P2RX4: variants seen among roughly 807,000 people sequenced by gnomAD.
The protein encoded by P2RX4 is purinergic receptor P2X 4, also known as P2X purinoceptor 4.
P2RX4 carries 37 observed loss-of-function variants against 48.0 expected under a neutral mutation model. The observed-to-expected ratio is 0.77, with a 90% CI of 0.59 to 1.01. The LOEUF (loss-of-function observed/expected upper bound fraction) is 1.01, where lower values mean the gene tolerates loss of function less well. Among genes scored for constraint, P2RX4 ranks in the 50% least tolerant of loss-of-function variants. The pLI is 0.00. For missense variants in P2RX4, 501 were observed against 521.4 expected, an observed-to-expected ratio of 0.96 and a Z score of 0.38; for synonymous variants, 200 against 199.7, an observed-to-expected ratio of 1.00 and a Z score of -0.01.
chr12:121,224,146 C>T (rs780875255), intron 5 of P2RX4, among the ~76,000 whole-genome samples: 7 of 152,068 alleles, frequency 4.6e-5, no homozygotes, highest in Non-Finnish European at 4.4e-5. Flanking sequence ...GGTCACATGC[C>T]CACCTCTGCA....
chr12:121,222,301 G>A (rs537951104), intron 4 of P2RX4, 135 bp downstream of exon 4: 4 of 679,194 alleles, frequency 5.9e-6, no homozygotes, highest in Non-Finnish European at 1.0e-5. Context: ...TGGGGTCCTG[G>A]AGCCCCTCTA....
rs879483857 is a variant in P2RX4, at chr12:121,221,968, A to G, written c.338A>G (p.Gln113Arg). The change falls in exon 3 of 12, where the codon CAG (glutamine) becomes CGG (arginine). Residue 113 changes from glutamine (Q) to arginine (R), a missense_variant. Physicochemically the swap from Gln to Arg is conservative, Grantham distance 43. Around this residue, in one of 3 missense-constraint regions of P2RX4, gnomAD observed 295 missense variants for 275.3 expected, o/e 1.07. Transcript: ENST00000337233. ...TNVILTMNQT[Q>R]GLCPEIPDAT... ...GTGATCCTCACCATGAACCAGACAC[A>G]GGGCCTGTGCCCCGAGGTAGGAGGC... 16 of 1,614,184 alleles carry G rather than the reference A, an allele frequency of 9.9e-6. No homozygotes were observed. Among genetic ancestry groups the G allele is most frequent in the Non-Finnish European group, 1.4e-5 (16 of 1,180,014 alleles).
rs549795386 is a variant in P2RX4, at chr12:121,229,431, G to A, written c.884+332G>A. Reference sequence around the variant, plus strand: ...ACCTCCATTCACTGCCTCAAGGAGCGGATGATCTTGTGATCCTCCAGTCCA... The same window carrying A: ...ACCTCCATTCACTGCCTCAAGGAGCAGATGATCTTGTGATCCTCCAGTCCA... On this transcript the variant is annotated intron_variant, in intron 8 of 11. Coordinates refer to ENST00000337233, the MANE Select transcript of P2RX4 (RefSeq NM_002560.3). This position sits in a 1 kb window ranked among gnomAD's most constrained non-coding sequence, Gnocchi z 4.6. 1.4e-4 allele frequency among the ~76,000 whole-genome samples: 22 copies of A among 152,302 alleles called. No homozygotes were observed. The highest frequency in any genetic ancestry group is 4.1e-4 in the African/African-American group (17 of 41,572).
intron 2 of P2RX4, 80 bp from the exon 3 acceptor site, chr12:121,221,833 C>T (rs1886630034): frequency 8.4e-7 from 1 of 1,187,298 alleles, no homozygotes; most frequent in East Asian, 2.3e-5. Context: ...TTGAGTTGTC[C>T]TCTTCAGTCA....
Position 121,233,791 on chromosome 12 carries a change from G to A in P2RX4, c.*242G>A. The A allele has an allele frequency of 3.3e-6, 3 of 896,240 alleles. No individual in the cohort carries two copies. The highest frequency in any genetic ancestry group is 2.8e-5 in the East Asian group (1 of 35,664). The allele number at this position is 896,240 out of a possible 1,614,324, so 55.5% of individuals were successfully genotyped here. A position where few individuals can be genotyped will look rare whatever the true frequency, so the allele number is the denominator to read the frequency against. On this transcript the variant is annotated 3_prime_UTR_variant, in exon 12 of 12. Transcript: ENST00000337233. ...CAACTCTGCTTTTCCCGCAACCTGG[G>A]GTTGTCGGGGGAGCGCTGGCCCGAC... is the stretch of plus-strand genomic sequence containing the variant.
At chr12:121,233,205 C>A in intron 11 of P2RX4, 113 bp downstream of exon 11, 1 of 752,944 alleles carries the variant, frequency 1.3e-6, no homozygotes, top group Non-Finnish European at 2.2e-6. Flanking sequence ...ACCAGTGTGG[C>A]GTGGTGTCCC....
chr12:121,233,579 C>A lies in P2RX4; in HGVS notation c.*30C>A. 6.2e-7 allele frequency: 1 copy of A among 1,604,290 alleles called. No individual in the cohort carries two copies. The highest frequency in any genetic ancestry group is 8.5e-7 in the Non-Finnish European group (1 of 1,174,880). On this transcript the variant is annotated 3_prime_UTR_variant, in exon 12 of 12. Coordinates refer to ENST00000337233, the MANE Select transcript of P2RX4 (RefSeq NM_002560.3). ...TACCCCACACCTGGGCTCTCCACAGCCCCATCAAAGAACAGAGAGGAGGAG... is the reference window on the plus strand; with the variant it reads ...TACCCCACACCTGGGCTCTCCACAGACCCATCAAAGAACAGAGAGGAGGAG...
chr12:121,230,970 T>TTATA (rs56678017), intron 8 of P2RX4, among the ~76,000 whole-genome samples: 22,673 of 70,782 alleles, frequency 0.32, 2,371 homozygotes, highest in Non-Finnish European at 0.4. Context: ...TATATAGCCA[T>TTATA]TATATATATA....
rs779436847 is a variant in P2RX4 at position 121,223,167 on chromosome 12, G to C, written c.524+124G>C. 3.9e-4 allele frequency: 255 copies of C among 660,610 alleles called. 2 individuals carry two copies. The highest frequency in any genetic ancestry group is 6.8e-4 in the South Asian group (40 of 58,406). 40.9% of individuals were successfully genotyped at this position (660,610 alleles called of 1,614,324 possible). On this transcript the variant is annotated intron_variant, in intron 5 of 11. Transcript: ENST00000337233. The stretch of plus-strand genomic sequence containing the variant: ...TGGCTCACCACAACCTCCACCTCCC[G>C]TGTTCAAGTGATTTTCTGTGCCTCA...
chr12:121,212,817 TATA>T lies in P2RX4; in HGVS notation c.134+2520_134+2522del, dbSNP rs1377576192. On this transcript the variant is annotated intron_variant, in intron 1 of 11. Coordinates refer to ENST00000337233, the MANE Select transcript of P2RX4 (RefSeq NM_002560.3). ...ATATATATATATATATATATATATA[TATA>T]TATATTTTTTTTTTTTTTTTGGAGA... The T allele has an allele frequency of 3.9e-3, 164 of 42,222 alleles. 2 individuals carry two copies. Among genetic ancestry groups the T allele is most frequent in the African/African-American group, 6.0e-3 (64 of 10,738 alleles). 2.6% of individuals were successfully genotyped at this position (42,222 alleles called of 1,614,324 possible).
chr12:121,232,946 G>T lies in P2RX4; in HGVS notation c.1045-51G>T. On this transcript the variant is annotated intron_variant, in intron 10 of 11. Coordinates refer to ENST00000337233, the MANE Select transcript of P2RX4 (RefSeq NM_002560.3). The surrounding 1 kb of genome is among the most constrained non-coding windows in gnomAD (Gnocchi z 4.3). ...AAGGGGCACGCAAAGAATAAGATGG[G>T]TTGATGGGTTGCAAGCATCCTGGCT... The T allele has an allele frequency of 7.9e-7, 1 of 1,266,448 alleles. No individual in the cohort carries two copies. 78.5% of individuals were successfully genotyped at this position (1,266,448 alleles called of 1,614,324 possible).
rs556240792 is a variant in P2RX4 at position 121,223,148 on chromosome 12, A to T, written c.524+105A>T. ...GAGTGCAGTGGTGCGATCTTGGCTC[A>T]CCACAACCTCCACCTCCCGTGTTCA... On this transcript the variant is annotated intron_variant, in intron 5 of 11. Transcript: ENST00000337233. The T allele has an allele frequency of 5.5e-6, 4 of 722,660 alleles. No individual in the cohort carries two copies. The South Asian group carries it at 6.3e-5, about 11-fold the overall frequency. The allele number at this position is 722,660 out of a possible 1,614,324, so 44.8% of individuals were successfully genotyped here.
intron 5 of P2RX4, among the ~76,000 whole-genome samples, chr12:121,223,611 A>G (rs1002627381): frequency 1.3e-5 from 2 of 152,206 alleles, no homozygotes; most frequent in Admixed American, 6.5e-5. Context: ...ACTTCCTTGT[A>G]TGTTAGGACT....
rs530643787 is a variant in P2RX4 at position 121,231,122 on chromosome 12, G to C, written c.885-1292G>C. Reference sequence around the variant, plus strand: ...CCTGCCTCAGCCGCCTGAGTAGCTGGGATTACAGGCGCCCGCCACCACACC... The same window carrying C: ...CCTGCCTCAGCCGCCTGAGTAGCTGCGATTACAGGCGCCCGCCACCACACC... On this transcript the variant is annotated intron_variant, in intron 8 of 11. Coordinates refer to ENST00000337233, the MANE Select transcript of P2RX4 (RefSeq NM_002560.3). 9.3e-3 allele frequency among the ~76,000 whole-genome samples: 1,416 copies of C among 151,738 alleles called. 14 individuals are homozygous for C. The highest frequency in any genetic ancestry group is 0.012 in the Non-Finnish European group (809 of 67,926).
chr12:121,233,385 C>A, intron 11 of P2RX4, 138 bp from the exon 12 acceptor site: 1 of 852,812 alleles, frequency 1.2e-6, no homozygotes, highest in East Asian at 2.6e-5. Flanking sequence ...GTGCACCTTG[C>A]GGAACAGGAA....
rs763956158 is a variant in P2RX4 at position 121,233,084 on chromosome 12, T to C, written c.1132T>C (p.Tyr378His). Residue 378 changes from tyrosine (Y) to histidine (H), a missense_variant, in exon 11 of 12, where the codon TAC (tyrosine) becomes CAC (histidine). Tyr to His is a moderately conservative substitution (Grantham distance 83). This residue lies in a region of P2RX4 where 197 missense variants were observed against 219.5 expected (regional missense o/e 0.90). Coordinates refer to ENST00000337233, the MANE Select transcript of P2RX4 (RefSeq NM_002560.3). ...GAAGAAATATAAATATGTGGAAGAT[T>C]ACGAGCAGGTAGGCCCCTCCTGGCC... The part of the protein sequence containing the change: ...REKKYKYVED[Y>H]EQGLASELDQ 3 of 1,608,800 alleles carry C rather than the reference T, an allele frequency of 1.9e-6. No individual in the cohort carries two copies. In the South Asian group the frequency reaches 3.3e-5, roughly 18 times the overall value.
Position 121,232,004 on chromosome 12 carries a change from CAAA to C in P2RX4, c.885-393_885-391del, listed in dbSNP as rs34995184. 2.1e-5 allele frequency among the ~76,000 whole-genome samples: 2 copies of C among 94,450 alleles called. No individual in the cohort carries two copies. 62.0% of individuals were successfully genotyped at this position (94,450 alleles called of 152,430 possible). On this transcript the variant is annotated intron_variant, in intron 8 of 11. Coordinates refer to ENST00000337233, the MANE Select transcript of P2RX4 (RefSeq NM_002560.3). The surrounding 1 kb of genome is among the most constrained non-coding windows in gnomAD (Gnocchi z 4.3). ...CTGGCAACAGAGGGAGACTCCATCT[CAAA>C]AAAAAAAAAAAAAAAAGTCCCTGCA...
chr12:121,232,647 A>G lies in P2RX4; in HGVS notation c.1015A>G (p.Ile339Val), dbSNP rs369695142. Residue 339 changes from isoleucine (I) to valine (V), a missense_variant, in exon 10 of 12, where the codon ATC (isoleucine) becomes GTC (valine). Ile to Val is a conservative substitution (Grantham distance 29). Coordinates refer to ENST00000337233, the MANE Select transcript of P2RX4 (RefSeq NM_002560.3). The surrounding 1 kb of genome is among the most constrained non-coding windows in gnomAD (Gnocchi z 4.3). ...TGACATCATCCCCACTATGATCAAC[A>G]TCGGCTCTGGCCTGGCACTGCTAGG... is the stretch of plus-strand genomic sequence containing the variant. Reference protein sequence around the residue: ...KFDIIPTMINIGSGLALLGMA... With the variant: ...KFDIIPTMINVGSGLALLGMA... 6 of 1,613,938 alleles carry G rather than the reference A, an allele frequency of 3.7e-6. No homozygotes were observed. The highest frequency in any genetic ancestry group is 4.2e-6 in the Non-Finnish European group (5 of 1,179,874).
At chr12:121,212,813 TATATATATA>T (rs1456148882) in intron 1 of P2RX4, 12 of 44,222 alleles carry the variant, frequency 2.7e-4, no homozygotes, top group Middle Eastern at 9.8e-3. Flanking sequence ...TATATATATA[TATATATATA>T]TATTTTTTTT....
Sources: allele counts gnomAD v4.1 joint callset (sites outside exome capture counted in the v4.1 genomes callset), GRCh38; gene constraint gnomAD v4.1.1; regional missense constraint gnomAD v4.1.1; non-coding constraint Gnocchi (gnomAD v3.1); transcripts MANE v1.5; gene names NCBI Gene and HGNC (gene_info 2026-07-23, HGNC 2026-07-21).